Variants in NFE2L1 observed in about 807,000 individuals in gnomAD.
NFE2L1 encodes the protein NFE2 like bZIP transcription factor 1.
In NFE2L1, 18 loss-of-function variants were observed where a neutral mutation model predicts 61.6. The observed-to-expected ratio is 0.29, with a 90% confidence interval of 0.20 to 0.43. The LOEUF (loss-of-function observed/expected upper bound fraction) is 0.43. Among genes scored for constraint, NFE2L1 ranks in the 20% least tolerant of loss-of-function variants. The probability of loss-of-function intolerance (pLI) is 1.00; values close to 1 mark genes in which losing one functional copy is unlikely to be tolerated. For missense variants in NFE2L1, 827 were observed against 973.5 expected (o/e 0.85, Z 2.00); for synonymous variants, 419 against 402.7 (o/e 1.04, Z -0.48).
chr17:48,050,700 T>G lies in NFE2L1; in HGVS notation c.-419T>G. The G allele has an allele frequency of 2.2e-6, 1 of 452,074 alleles. No individual in the cohort carries two copies. 28.0% of individuals were successfully genotyped at this position (452,074 alleles called of 1,614,324 possible). A position where few individuals can be genotyped will look rare whatever the true frequency, so the allele number is the denominator to read the frequency against. On this transcript the variant is annotated 5_prime_UTR_variant, in exon 2 of 6. Coordinates refer to ENST00000362042, the MANE Select transcript of NFE2L1 (RefSeq NM_003204.3). The stretch of plus-strand genomic sequence containing the variant: ...TAGCTCCAGCCAAAGAAAATAAACC[T>G]TAGGAGGGAGAAGGAAAAAAAAAAT...
In NFE2L1 at chr17:48,058,564, A is replaced by C. The variant is rs2037463267; in HGVS notation, c.1242A>C (p.Thr414=). Residue 414 remains threonine (T), a synonymous_variant, in exon 6 of 6, where the codon ACA becomes ACC. Transcript: ENST00000362042. ...CCACCTTCGGCTCCACCAACCTGAC[A>C]GGGCTCTTCTTTCCACCCCAGCTCA... ...LNSTFGSTNL[T]GLFFPPQLNG... 2 of 1,613,618 alleles carry C rather than the reference A, an allele frequency of 1.2e-6. No homozygotes were observed. Among genetic ancestry groups the C allele is most frequent in the African/African-American group, 2.7e-5 (2 of 74,932 alleles).
chr17:48,056,274 G>T, intron 2 of NFE2L1, 112 bp from the exon 3 acceptor site: 1 of 1,181,196 alleles, frequency 8.5e-7, no homozygotes, highest in Non-Finnish European at 1.2e-6. Context: ...GAAGAGCTGG[G>T]AGGGGCCCCA....
intron 2 of NFE2L1, chr17:48,054,557 G>C (rs1294464824): frequency 8.2e-7 from 1 of 1,218,194 alleles, no homozygotes; most frequent in Admixed American, 4.2e-5. Context: ...GCTGACCTGG[G>C]GGAGGGGATT....
intron 2 of NFE2L1, chr17:48,055,124 G>C (rs2037364246): frequency 9.8e-6 from 14 of 1,425,308 alleles, no homozygotes; most frequent in Non-Finnish European, 1.3e-5. Flanking sequence ...GCCCGCCTCT[G>C]CTCCTGGGTC....
chr17:48,058,113 G>C (rs2037447925), intron 5 of NFE2L1, among the ~76,000 whole-genome samples, 182 bp from the exon 6 acceptor site: 1 of 152,228 alleles, frequency 6.6e-6, no homozygotes, highest in Admixed American at 6.5e-5. Context: ...CTACATGGAA[G>C]AACCCATCTC....
chr17:48,051,905 C>T (rs1042463444), intron 2 of NFE2L1, among the ~76,000 whole-genome samples: 2 of 151,826 alleles, frequency 1.3e-5, no homozygotes, highest in Non-Finnish European at 2.9e-5. Flanking sequence ...TGGATTTCAG[C>T]GTGACTGCTG....
chr17:48,053,161 ACCC>A (rs1188596460), intron 2 of NFE2L1, among the ~76,000 whole-genome samples: 1 of 151,890 alleles, frequency 6.6e-6, no homozygotes, highest in Non-Finnish European at 1.5e-5. Context: ...GCTCCTGGAA[ACCC>A]TGCAGGGTAG....
intron 2 of NFE2L1, chr17:48,054,533 T>A: frequency 8.8e-7 from 1 of 1,136,122 alleles, no homozygotes; most frequent in Non-Finnish European, 1.1e-6. Flanking sequence ...ATTGGCTCTT[T>A]GCGCAGCCCA....
chr17:48,049,375 TTTCC>T (rs1298875552), intron 1 of NFE2L1, among the ~76,000 whole-genome samples: 1 of 152,114 alleles, frequency 6.6e-6, no homozygotes, highest in Non-Finnish European at 1.5e-5. Flanking sequence ...CCTTTTTTTC[TTTCC>T]TTTTCTTTTC....
rs777834208 is a variant in NFE2L1 at position 48,050,841 on chromosome 17, G to A, written c.-278G>A. 19 of 595,890 alleles carry A rather than the reference G, an allele frequency of 3.2e-5. No homozygotes were observed. Among genetic ancestry groups the A allele is most frequent in the Non-Finnish European group, 5.1e-5 (17 of 335,370 alleles). 36.9% of individuals were successfully genotyped at this position (595,890 alleles called of 1,614,324 possible). A position where few individuals can be genotyped will look rare whatever the true frequency, so the allele number is the denominator to read the frequency against. On this transcript the variant is annotated 5_prime_UTR_variant, in exon 2 of 6. Coordinates refer to ENST00000362042, the MANE Select transcript of NFE2L1 (RefSeq NM_003204.3). ...GAAAGTAAGTCACGTGGGCCCTTGA[G>A]GACCTGGACTGGGTTAGGAACAGTT...
chr17:48,052,373 CA>C (rs1301064185), intron 2 of NFE2L1, among the ~76,000 whole-genome samples: 1 of 152,198 alleles, frequency 6.6e-6, no homozygotes, highest in Non-Finnish European at 1.5e-5. Context: ...GCCCCTGCCT[CA>C]CCAACATAAG....
chr17:48,050,205 A>G (rs562473544), intron 1 of NFE2L1, among the ~76,000 whole-genome samples: 2 of 152,344 alleles, frequency 1.3e-5, no homozygotes, highest in East Asian at 1.9e-4. Flanking sequence ...TAGGCCAGGC[A>G]CAGTGGCTCA....
In NFE2L1 at chr17:48,050,987, C is replaced by T. The variant is rs2037233997; in HGVS notation, c.-132C>T. 1 of 1,106,720 alleles carries T rather than the reference C, an allele frequency of 9.0e-7. No individual in the cohort carries two copies. Among genetic ancestry groups the T allele is most frequent in the South Asian group, 1.4e-5 (1 of 69,778 alleles). The allele number at this position is 1,106,720 out of a possible 1,614,324, so 68.6% of individuals were successfully genotyped here. ...CGTCAGGGAGCTCATCCCTTGTGTTCTGCCAGGGTGGGGTACGGGGTTTGA... is the reference window on the plus strand; with the variant it reads ...CGTCAGGGAGCTCATCCCTTGTGTTTTGCCAGGGTGGGGTACGGGGTTTGA... On this transcript the variant is annotated 5_prime_UTR_variant, in exon 2 of 6. Coordinates refer to ENST00000362042, the MANE Select transcript of NFE2L1 (RefSeq NM_003204.3).
chr17:48,060,894 TG>T lies in NFE2L1; in HGVS notation c.*1254del, dbSNP rs1261764151. 1 of 152,680 alleles carries T rather than the reference TG, an allele frequency of 6.5e-6. No homozygotes were observed. Among genetic ancestry groups the T allele is most frequent in the Non-Finnish European group, 1.5e-5 (1 of 68,054 alleles). 9.5% of individuals were successfully genotyped at this position (152,680 alleles called of 1,614,324 possible). A position where few individuals can be genotyped will look rare whatever the true frequency, so the allele number is the denominator to read the frequency against. ...ATGCTTGTGTTGAGTAAAAAGGAGA[TG>T]CCCAATATTCAAAGCTGCTAAATGT... On this transcript the variant is annotated 3_prime_UTR_variant, in exon 6 of 6. Coordinates refer to ENST00000362042, the MANE Select transcript of NFE2L1 (RefSeq NM_003204.3).
At chr17:48,056,351 A>G in intron 2 of NFE2L1, 35 bp from the exon 3 acceptor site, 1 of 1,612,608 alleles carries the variant, frequency 6.2e-7, no homozygotes, top group Non-Finnish European at 8.5e-7. Flanking sequence ...GGACCTTGGG[A>G]TCTTAGAGCT....
chr17:48,055,353 G>C (rs2037373215), intron 2 of NFE2L1, among the ~76,000 whole-genome samples: 1 of 152,082 alleles, frequency 6.6e-6, no homozygotes, highest in Admixed American at 6.5e-5. Context: ...GGGAGGGCTC[G>C]ACTACAGGGG....
Position 48,056,414 on chromosome 17 carries a change from G to A in NFE2L1, c.539G>A (p.Arg180Gln), listed in dbSNP as rs201672314. ...EDIDLIDILW[R>Q]QDIDLGAGRE... ...ATAGATCTGATTGACATCCTTTGGC[G>A]ACAGGATATTGATCTGGGGGCTGGG... is the stretch of plus-strand genomic sequence containing the variant. Residue 180 changes from arginine (R) to glutamine (Q), a missense_variant, in exon 3 of 6, where the codon CGA (arginine) becomes CAA (glutamine). Arg to Gln is a conservative substitution (Grantham distance 43, BLOSUM62 1). Around this residue, in one of 3 missense-constraint regions of NFE2L1, gnomAD observed 667 missense variants for 748.4 expected, o/e 0.89. Coordinates refer to ENST00000362042, the MANE Select transcript of NFE2L1 (RefSeq NM_003204.3). The A allele has an allele frequency of 4.3e-5, 70 of 1,614,054 alleles. No individual in the cohort carries two copies. The highest frequency in any genetic ancestry group is 5.0e-5 in the Admixed American group (3 of 60,006).
In NFE2L1 at chr17:48,061,236, G is replaced by C. The variant is rs1429479237; in HGVS notation, c.*1595G>C. 2 of 152,160 alleles carry C rather than the reference G, an allele frequency of 1.3e-5. No individual in the cohort carries two copies. Among genetic ancestry groups the C allele is most frequent in the Admixed American group, 1.3e-4 (2 of 15,284 alleles). 9.4% of individuals were successfully genotyped at this position (152,160 alleles called of 1,614,324 possible). Reference sequence around the variant, plus strand: ...CCACTGCTGCCCTCACCCCTGCCCGGCTCTGGAGTACCGTCTGCCCCAGAC... The same window carrying C: ...CCACTGCTGCCCTCACCCCTGCCCGCCTCTGGAGTACCGTCTGCCCCAGAC... On this transcript the variant is annotated 3_prime_UTR_variant, in exon 6 of 6. Coordinates refer to ENST00000362042, the MANE Select transcript of NFE2L1 (RefSeq NM_003204.3).
At position 48,059,836 on chromosome 17, in the gene NFE2L1, A is replaced by C; in HGVS notation, c.*195A>C. 2.6e-6 allele frequency: 2 copies of C among 760,086 alleles called. No individual in the cohort carries two copies. The highest frequency in any genetic ancestry group is 4.0e-6 in the Non-Finnish European group (2 of 496,796). 47.1% of individuals were successfully genotyped at this position (760,086 alleles called of 1,614,324 possible). A position where few individuals can be genotyped will look rare whatever the true frequency, so the allele number is the denominator to read the frequency against. ...GCTCAGCTCCACTCGGGTGGAGTGG[A>C]AGTGGCCAGACCATTTAGACGGACA... On this transcript the variant is annotated 3_prime_UTR_variant, in exon 6 of 6. Transcript: ENST00000362042. The surrounding 1 kb of genome is among the most constrained non-coding windows in gnomAD (Gnocchi z 6.1).
Sources: gnomAD v4.1 joint callset for allele counts (sites outside exome capture counted in the v4.1 genomes callset) on GRCh38, gnomAD v4.1.1 for gene constraint, gnomAD v4.1.1 regional missense constraint, Gnocchi (gnomAD v3.1) non-coding constraint, MANE v1.5 for transcripts, NCBI Gene and HGNC (gene_info 2026-07-23, HGNC 2026-07-21) for gene names.